Variants in HSD17B2 observed in about 807,000 individuals in gnomAD.
The protein encoded by HSD17B2 is hydroxysteroid 17-beta dehydrogenase 2, also known as 17-beta-hydroxysteroid dehydrogenase type 2.
In HSD17B2, 32 loss-of-function variants were observed where a neutral mutation model predicts 26.9. That is an observed-to-expected ratio of 1.19 (90% CI 0.90 to 1.60). HSD17B2 has a LOEUF of 1.60. Ranked by LOEUF, HSD17B2 falls within the 40% of genes most tolerant of loss-of-function variation. HSD17B2 has a pLI of 0.00. For synonymous variants in HSD17B2, 246 were observed against 186.7 expected, an observed-to-expected ratio of 1.32 and a Z score of -2.59; for missense variants, 613 against 468.6, an observed-to-expected ratio of 1.31 and a Z score of -2.85.
chr16:82,043,217 T>C (rs767321950), intron 1 of HSD17B2, among the ~76,000 whole-genome samples: 1 of 152,170 alleles, frequency 6.6e-6, no homozygotes, highest in Non-Finnish European at 1.5e-5. Flanking sequence ...GAGGCTTCCA[T>C]GTTCCCTCCC....
At chr16:82,042,283 G>T (rs1310002848) in intron 1 of HSD17B2, among the ~76,000 whole-genome samples, 1 of 152,162 alleles carries the variant, frequency 6.6e-6, no homozygotes, top group Non-Finnish European at 1.5e-5. Flanking sequence ...GGGATTACAG[G>T]CATGAGTCAC....
At chr16:82,068,840 G>A (rs973293608) in intron 2 of HSD17B2, among the ~76,000 whole-genome samples, 4 of 152,110 alleles carry the variant, frequency 2.6e-5, no homozygotes, top group Non-Finnish European at 5.9e-5. Flanking sequence ...TTTGCCGTTG[G>A]CTCTCACTCT....
chr16:82,088,605 G>C (rs969550132), intron 3 of HSD17B2, among the ~76,000 whole-genome samples: 2 of 152,156 alleles, frequency 1.3e-5, no homozygotes, highest in African/African-American at 4.8e-5. Flanking sequence ...CCACGAACTG[G>C]GATTGCCACA....
rs768421387 is a variant in HSD17B2 at position 82,098,122 on chromosome 16, C to G, written c.850C>G (p.Leu284Val). Residue 284 changes from leucine to valine, a missense_variant, in exon 5 of 5, where the codon CTG becomes GTG. By Grantham distance (32) the Leu-to-Val change is conservative (BLOSUM62 1). Transcript: ENST00000199936. ...DKWEKLEKDI[L>V]DHLPAEVQED... ...GTGGGAAAAGCTGGAGAAGGACATT[C>G]TGGACCACCTCCCCGCTGAGGTACA... 1.2e-5 allele frequency: 20 copies of G among 1,613,940 alleles called. No homozygotes were observed. In the East Asian group the frequency reaches 4.0e-4, roughly 32 times the overall value.
In HSD17B2 at chr16:82,088,298, A is replaced by G. The variant is rs567917480; in HGVS notation, c.665-2604A>G. Among the ~76,000 whole-genome samples, 6 of 152,342 alleles carry G rather than the reference A, an allele frequency of 3.9e-5. No individual in the cohort carries two copies. In the South Asian group the frequency reaches 1.2e-3, roughly 32 times the overall value. ...AGATATTATTTTGAAAAGCCTGAGT[A>G]GCACTAATGGTAGAAAGCCCTTATA... On this transcript the variant is annotated intron_variant, in intron 3 of 4. Transcript: ENST00000199936.
At chr16:82,090,547 G>C (rs1220444482) in intron 3 of HSD17B2, among the ~76,000 whole-genome samples, 1 of 152,000 alleles carries the variant, frequency 6.6e-6, no homozygotes, top group African/African-American at 2.4e-5. Flanking sequence ...TCAAACTCCT[G>C]ACCTCAGGTG....
At chr16:82,049,849 C>T (rs1914052262) in intron 1 of HSD17B2, among the ~76,000 whole-genome samples, 1 of 152,234 alleles carries the variant, frequency 6.6e-6, no homozygotes, top group Non-Finnish European at 1.5e-5. Context: ...TGAGGCTTCT[C>T]AGCCCCATAG....
chr16:82,085,791 T>C (rs1559428), intron 3 of HSD17B2, among the ~76,000 whole-genome samples: 44,764 of 151,772 alleles, frequency 0.29, 7,100 homozygotes, highest in Non-Finnish European at 0.36. Flanking sequence ...GCGGTACTAA[T>C]CCCCGGACCA....
At chr16:82,075,112 GA>G (rs1187374576) in intron 3 of HSD17B2, among the ~76,000 whole-genome samples, 3 of 151,986 alleles carry the variant, frequency 2.0e-5, no homozygotes, top group African/African-American at 4.8e-5. Context: ...GTAGGTCAAT[GA>G]AAAAAATTAA....
chr16:82,072,062 G>T (rs954577622), intron 3 of HSD17B2: 16 of 152,190 alleles, frequency 1.1e-4, no homozygotes, highest in African/African-American at 3.9e-4. Context: ...TTTGGTCAGG[G>T]AGGGGGTTCT....
chr16:82,048,499 G>T (rs1342609259), intron 1 of HSD17B2, among the ~76,000 whole-genome samples: 2 of 152,154 alleles, frequency 1.3e-5, no homozygotes, highest in Non-Finnish European at 2.9e-5. Context: ...GGAAGGAGAA[G>T]ATGGGGAATT....
chr16:82,069,164 G>T (rs1914640782), intron 2 of HSD17B2, among the ~76,000 whole-genome samples: 1 of 152,180 alleles, frequency 6.6e-6, no homozygotes, highest in African/African-American at 2.4e-5. Context: ...AACGTGTGGT[G>T]TTTGGTTTTC....
At chr16:82,090,265 G>T (rs1238097338) in intron 3 of HSD17B2, 3 of 696,010 alleles carry the variant, frequency 4.3e-6, no homozygotes, top group Non-Finnish European at 3.5e-6. Context: ...ATCAGGGCCT[G>T]GTCGGTAGGT....
At chr16:82,043,177 GC>G (rs1258233156) in intron 1 of HSD17B2, among the ~76,000 whole-genome samples, 1 of 152,170 alleles carries the variant, frequency 6.6e-6, no homozygotes, top group African/African-American at 2.4e-5. Flanking sequence ...CTTGGGCCAA[GC>G]TTTTCCCTAG....
chr16:82,097,989 C>G, intron 4 of HSD17B2, 86 bp from the exon 5 acceptor site: 2 of 1,314,628 alleles, frequency 1.5e-6, no homozygotes, highest in Non-Finnish European at 2.1e-6. Context: ...TTGCAAAGGG[C>G]CATCCTTCCC....
intron 3 of HSD17B2, among the ~76,000 whole-genome samples, chr16:82,085,625 G>A (rs1260016752): frequency 1.3e-5 from 2 of 152,164 alleles, no homozygotes; most frequent in Middle Eastern, 3.4e-3. Flanking sequence ...ATCAGGAAGT[G>A]TTGGCAATTT....
intron 4 of HSD17B2, 73 bp downstream of exon 4, chr16:82,091,112 A>T: frequency 7.1e-7 from 1 of 1,418,062 alleles, no homozygotes; most frequent in Non-Finnish European, 1.0e-6. Context: ...GGTCTGACAG[A>T]GCACACATTG....
At chr16:82,079,224 C>T (rs1469021519) in intron 3 of HSD17B2, among the ~76,000 whole-genome samples, 4 of 152,256 alleles carry the variant, frequency 2.6e-5, no homozygotes, top group Non-Finnish European at 1.5e-5. Flanking sequence ...CGATTTTCCT[C>T]TGTGTTAGTT....
intron 3 of HSD17B2, among the ~76,000 whole-genome samples, chr16:82,074,320 T>C (rs1914764715): frequency 6.6e-6 from 1 of 152,222 alleles, no homozygotes; most frequent in East Asian, 1.9e-4. Context: ...AATCTTCATG[T>C]CCTGGAGAAA....
Sources: gnomAD v4.1 joint callset for allele counts (sites outside exome capture counted in the v4.1 genomes callset) on GRCh38, gnomAD v4.1.1 for gene constraint, MANE v1.5 for transcripts, NCBI Gene and HGNC (gene_info 2026-07-23, HGNC 2026-07-21) for gene names.